Variants in KIAA1755 observed in about 807,000 individuals in gnomAD.
KIAA1755 encodes KIAA1755.
Under a neutral mutation model 91.7 loss-of-function variants are expected in KIAA1755, and 68 were observed. The observed-to-expected ratio is 0.74, with a 90% CI of 0.61 to 0.91. The LOEUF (loss-of-function observed/expected upper bound fraction) is 0.91, where lower values mean the gene tolerates loss of function less well. Ranked by LOEUF, KIAA1755 falls within the 40% of genes least tolerant of loss-of-function variation. KIAA1755 has a pLI of 0.00. For synonymous variants in KIAA1755, 610 were observed against 604.6 expected, an observed-to-expected ratio of 1.01 and a Z score of -0.13; for missense variants, 1,535 against 1,494.4, an observed-to-expected ratio of 1.03 and a Z score of -0.45.
rs146856189 is a variant in KIAA1755 at position 38,223,345 on chromosome 20, A to G, written c.2268+193T>C. Among the ~76,000 whole-genome samples, 636 of 152,360 alleles carry G rather than the reference A, an allele frequency of 4.2e-3. 5 individuals carry two copies. Among genetic ancestry groups the G allele is most frequent in the African/African-American group, 0.014 (599 of 41,574 alleles). ...CCACGAGCCCCAAGAGGGCAGGGATAAGTCAGTTTGCTCCAGGCTGGTCTC... is the reference window on the plus strand; with the variant it reads ...CCACGAGCCCCAAGAGGGCAGGGATGAGTCAGTTTGCTCCAGGCTGGTCTC... On this transcript the variant is annotated intron_variant, in intron 9 of 13. Transcript: ENST00000279024.
chr20:38,218,726 C>G (rs1225150265), intron 11 of KIAA1755, among the ~76,000 whole-genome samples: 1 of 152,108 alleles, frequency 6.6e-6, no homozygotes, highest in Non-Finnish European at 1.5e-5. Flanking sequence ...GCTCCCTGTT[C>G]GGGTGTGTGT....
chr20:38,240,760 A>G lies in KIAA1755; in HGVS notation c.1371T>C (p.Pro457=). The part of the protein sequence containing the change: ...NGRLPKPMPC[P]SRNTSSPEPP... ...GCTCAGGGGAGGAGGTGTTTCTGCT[A>G]GGGCAGGGCATGGGCTTGGGAAGTC... The change falls in exon 3 of 14, where the codon CCT becomes CCC. Residue 457 remains proline, a synonymous_variant. Coordinates refer to ENST00000279024, the MANE Select transcript of KIAA1755 (RefSeq NM_001029864.2). The G allele has an allele frequency of 6.3e-7, 1 of 1,588,378 alleles. No homozygotes were observed. Among genetic ancestry groups the G allele is most frequent in the Non-Finnish European group, 8.6e-7 (1 of 1,166,590 alleles).
At chr20:38,257,924 A>C (rs926750994) in intron 1 of KIAA1755, among the ~76,000 whole-genome samples, 3 of 151,514 alleles carry the variant, frequency 2.0e-5, no homozygotes, top group African/African-American at 7.3e-5. Context: ...TTTGAGACAA[A>C]GTCTCGCTCT....
At chr20:38,237,127 A>G (rs2075973005) in intron 4 of KIAA1755, among the ~76,000 whole-genome samples, 1 of 145,614 alleles carries the variant, frequency 6.9e-6, no homozygotes, top group Non-Finnish European at 1.5e-5. Context: ...GAGTAAGCAG[A>G]AGCAATTCAT....
chr20:38,229,363 T>C (rs1313844040), intron 5 of KIAA1755, among the ~76,000 whole-genome samples: 1 of 152,196 alleles, frequency 6.6e-6, no homozygotes, highest in Non-Finnish European at 1.5e-5. Context: ...TTTGCTATGA[T>C]TATCCTAGAA....
At chr20:38,242,208 G>T (rs932436628) in intron 2 of KIAA1755, among the ~76,000 whole-genome samples, 1 of 152,172 alleles carries the variant, frequency 6.6e-6, no homozygotes, top group East Asian at 1.9e-4. Context: ...TGGTCCCCTT[G>T]CTTGGCTCAT....
chr20:38,253,537 C>T (rs1004972567), intron 1 of KIAA1755, among the ~76,000 whole-genome samples: 3 of 152,114 alleles, frequency 2.0e-5, no homozygotes, highest in African/African-American at 7.2e-5. Flanking sequence ...CTCTCCCACC[C>T]CTGACTATTG....
At chr20:38,253,677 G>A (rs879920958) in intron 1 of KIAA1755, among the ~76,000 whole-genome samples, 13 of 152,196 alleles carry the variant, frequency 8.5e-5, no homozygotes, top group African/African-American at 2.2e-4. Flanking sequence ...AGGGCTGTGC[G>A]GGGCAGGGGC....
chr20:38,226,093 A>G (rs2075752342), intron 7 of KIAA1755, among the ~76,000 whole-genome samples: 1 of 152,172 alleles, frequency 6.6e-6, no homozygotes, highest in Non-Finnish European at 1.5e-5. Context: ...TTCCCAGTAC[A>G]GCTCTCCGGG....
intron 4 of KIAA1755, 133 bp from the exon 5 acceptor site, chr20:38,231,458 T>A: frequency 3.8e-6 from 4 of 1,046,406 alleles, no homozygotes; most frequent in Non-Finnish European, 5.3e-6. Flanking sequence ...TCTCCTTCTG[T>A]GAACTCTGAC....
At position 38,219,714 on chromosome 20, in the gene KIAA1755, A is replaced by G; in HGVS notation, c.2472T>C (p.His824=). The part of the protein sequence containing the change: ...ALYSLVDEQL[H]VLVTASNSLL... ...GGCTGTTGGAAGCGGTGACCAGAACATGAAGCTGCTCGTCCACAAGGCTGT... is the reference window on the plus strand; with the variant it reads ...GGCTGTTGGAAGCGGTGACCAGAACGTGAAGCTGCTCGTCCACAAGGCTGT... The change falls in exon 11 of 14, where the codon CAT becomes CAC. Residue 824 remains histidine, a synonymous_variant. Transcript: ENST00000279024. 2 of 1,614,150 alleles carry G rather than the reference A, an allele frequency of 1.2e-6. No homozygotes were observed. The highest frequency in any genetic ancestry group is 1.7e-6 in the Non-Finnish European group (2 of 1,180,012).
chr20:38,222,379 T>C, intron 10 of KIAA1755, 70 bp downstream of exon 10: 2 of 1,522,018 alleles, frequency 1.3e-6, no homozygotes, highest in Non-Finnish European at 1.8e-6. Context: ...CTAGGTGGTG[T>C]GGTCCCAGCT....
In KIAA1755 at chr20:38,225,294, G is replaced by A. The variant is rs564460785; in HGVS notation, c.2169+371C>T. On this transcript the variant is annotated intron_variant, in intron 8 of 13. Coordinates refer to ENST00000279024, the MANE Select transcript of KIAA1755 (RefSeq NM_001029864.2). ...TGGGATTACAGGTGTGAATCACAGC[G>A]CCCGGCCCTGTAAATTTATTTTCAG... Among the ~76,000 whole-genome samples, 7 of 152,276 alleles carry A rather than the reference G, an allele frequency of 4.6e-5. No individual in the cohort carries two copies. The South Asian group carries it at 6.2e-4, about 14-fold the overall frequency.
intron 4 of KIAA1755, among the ~76,000 whole-genome samples, chr20:38,231,968 G>C (rs2075872567): frequency 6.6e-6 from 1 of 152,200 alleles, no homozygotes; most frequent in Non-Finnish European, 1.5e-5. Flanking sequence ...TGGGCGGTGT[G>C]CCTCACTCTC....
intron 1 of KIAA1755, among the ~76,000 whole-genome samples, chr20:38,257,113 G>A (rs1022083440): frequency 6.6e-6 from 1 of 152,102 alleles, no homozygotes; most frequent in Non-Finnish European, 1.5e-5. Flanking sequence ...GCAGAAGGAT[G>A]GACCCCCACC....
intron 2 of KIAA1755, among the ~76,000 whole-genome samples, chr20:38,242,336 A>G (rs960735949): frequency 6.6e-6 from 1 of 152,242 alleles, no homozygotes; most frequent in Non-Finnish European, 1.5e-5. Context: ...TAATTTGTGC[A>G]AATTGCTTAA....
In KIAA1755 at chr20:38,241,825, C is replaced by T; in HGVS notation, c.306G>A (p.Gln102=). The T allele has an allele frequency of 6.2e-7, 1 of 1,614,166 alleles. No individual in the cohort carries two copies. The highest frequency in any genetic ancestry group is 8.5e-7 in the Non-Finnish European group (1 of 1,180,010). The change falls in exon 3 of 14, where the codon CAG becomes CAA. Residue 102 remains glutamine (Q), a synonymous_variant. Transcript: ENST00000279024. Reference sequence around the variant, plus strand: ...GCTCCACTTGGAGGTAGAAGTCACCCTGGCGCAATAAGAGAGGGTTGAGGG... The same window carrying T: ...GCTCCACTTGGAGGTAGAAGTCACCTTGGCGCAATAAGAGAGGGTTGAGGG... ...LAPLNPLLLR[Q]GDFYLQVEPQ...
rs566544032 is a variant in KIAA1755, at chr20:38,243,758, C to A, written c.202-1829G>T. On this transcript the variant is annotated intron_variant, in intron 2 of 13. Coordinates refer to ENST00000279024, the MANE Select transcript of KIAA1755 (RefSeq NM_001029864.2). Reference sequence around the variant, plus strand: ...GGGTGATGGTGGCTGGAGAGGCAGACTTTGAGGCTGCCATGCTCTTATTTC... The same window carrying A: ...GGGTGATGGTGGCTGGAGAGGCAGAATTTGAGGCTGCCATGCTCTTATTTC... 2.6e-5 allele frequency among the ~76,000 whole-genome samples: 4 copies of A among 152,286 alleles called. No homozygotes were observed. In the South Asian group the frequency reaches 8.3e-4, roughly 32 times the overall value.
At chr20:38,238,543 T>A (rs538721633) in intron 4 of KIAA1755, among the ~76,000 whole-genome samples, 3 of 152,314 alleles carry the variant, frequency 2.0e-5, no homozygotes, top group East Asian at 3.9e-4. Flanking sequence ...GAAGTCATCC[T>A]TGACCTCTAC....
Sources: gnomAD v4.1 joint callset for allele counts (sites outside exome capture counted in the v4.1 genomes callset) on GRCh38, gnomAD v4.1.1 for gene constraint, MANE v1.5 for transcripts, NCBI Gene and HGNC (gene_info 2026-07-23, HGNC 2026-07-21) for gene names.